Variants in PRLR observed in about 807,000 individuals in gnomAD.
PRLR encodes the protein hPRL receptor.
A neutral mutation model predicts 40.2 loss-of-function variants in PRLR; 13 were observed. That is an observed-to-expected ratio of 0.32 (90% CI 0.21 to 0.51). PRLR has a LOEUF of 0.51. Among genes scored for constraint, PRLR ranks in the 20% least tolerant of loss-of-function variants. The probability of loss-of-function intolerance (pLI) is 0.97; values close to 1 mark genes in which losing one functional copy is unlikely to be tolerated. For synonymous variants in PRLR, 269 were observed against 278.7 expected, an observed-to-expected ratio of 0.97 and a Z score of 0.35; for missense variants, 656 against 747.3, an observed-to-expected ratio of 0.88 and a Z score of 1.42.
At chr5:35,118,157 T>C (rs892947943) in intron 1 of PRLR, 35 bp from the exon 2 acceptor site, 29 of 962,114 alleles carry the variant, frequency 3.0e-5, no homozygotes, top group Non-Finnish European at 3.6e-5. Flanking sequence ...AGCTCCAAGA[T>C]GACAAAACGG....
At chr5:35,153,784 T>TTA (rs562678218) in intron 1 of PRLR, among the ~76,000 whole-genome samples, 3 of 142,864 alleles carry the variant, frequency 2.1e-5, no homozygotes, top group Non-Finnish European at 4.6e-5. Context: ...CACCCCATTG[T>TTA]TATTTCTGCA....
intron 1 of PRLR, among the ~76,000 whole-genome samples, chr5:35,172,467 G>T (rs1013754992): frequency 6.6e-6 from 1 of 152,194 alleles, no homozygotes; most frequent in African/African-American, 2.4e-5. Flanking sequence ...CTTCCCTCCA[G>T]ATGGCCCTTT....
intron 1 of PRLR, among the ~76,000 whole-genome samples, chr5:35,125,656 TTTTAA>T (rs1236777351): frequency 6.6e-6 from 1 of 152,236 alleles, no homozygotes. Flanking sequence ...GAACACACTC[TTTTAA>T]TTAAAGTGGA....
intron 1 of PRLR, among the ~76,000 whole-genome samples, chr5:35,164,574 G>A (rs1774766976): frequency 6.6e-6 from 1 of 152,148 alleles, no homozygotes; most frequent in Non-Finnish European, 1.5e-5. Flanking sequence ...AATGGAGTCT[G>A]GTATAAGACT....
intron 1 of PRLR, among the ~76,000 whole-genome samples, chr5:35,201,957 A>T (rs1428058153): frequency 6.6e-6 from 1 of 152,178 alleles, no homozygotes; most frequent in Non-Finnish European, 1.5e-5. Flanking sequence ...CACCAATACC[A>T]ACGTAAGTAG....
intron 2 of PRLR, among the ~76,000 whole-genome samples, chr5:35,090,287 A>C (rs1411437522): frequency 6.6e-6 from 1 of 152,172 alleles, no homozygotes; most frequent in Non-Finnish European, 1.5e-5. Context: ...AAGGTAATAA[A>C]TTCTGGTAAT....
chr5:35,152,519 A>T (rs888276084), intron 1 of PRLR, among the ~76,000 whole-genome samples: 2 of 152,198 alleles, frequency 1.3e-5, no homozygotes, highest in Non-Finnish European at 2.9e-5. Flanking sequence ...TACTGTACAC[A>T]ACAGTAATAG....
At chr5:35,230,116 T>C (rs1037096364) in intron 1 of PRLR, among the ~76,000 whole-genome samples, 152 bp downstream of exon 1, 6 of 152,110 alleles carry the variant, frequency 3.9e-5, no homozygotes, top group African/African-American at 1.4e-4. Context: ...CGACTCTGGC[T>C]CCTGGCTGGC....
At position 35,064,218 on chromosome 5, in the gene PRLR, A is replaced by G. The variant is rs1298495301; in HGVS notation, c.*871T>C. ...TAAACTTATGGGTTTATATTAAAGT[A>G]GAATTTGTATGTACAGTAAGGCAGT... On this transcript the variant is annotated 3_prime_UTR_variant, in exon 10 of 10. Transcript: ENST00000618457. 6.6e-6 allele frequency: 1 copy of G among 152,242 alleles called. No individual in the cohort carries two copies. The highest frequency in any genetic ancestry group is 1.5e-5 in the Non-Finnish European group (1 of 68,040). The allele number at this position is 152,242 out of a possible 1,614,324, so 9.4% of individuals were successfully genotyped here. A position where few individuals can be genotyped will look rare whatever the true frequency, so the allele number is the denominator to read the frequency against.
intron 1 of PRLR, among the ~76,000 whole-genome samples, chr5:35,211,097 G>A (rs963278017): frequency 4.6e-5 from 7 of 152,248 alleles, no homozygotes; most frequent in South Asian, 2.1e-4. Context: ...CCAACACACC[G>A]GAAAGCTTAA....
At chr5:35,079,157 A>T (rs192405074) in intron 5 of PRLR, among the ~76,000 whole-genome samples, 2 of 152,352 alleles carry the variant, frequency 1.3e-5, no homozygotes, top group African/African-American at 4.8e-5. Flanking sequence ...CAAGACAGGG[A>T]TGCCATCTCT....
intron 1 of PRLR, chr5:35,130,318 T>C (rs1773625710): frequency 6.6e-6 from 1 of 152,120 alleles, no homozygotes. Flanking sequence ...AAGGCAGCTG[T>C]GGTTTCAGCA....
At chr5:35,055,044 G>C (rs1380868373), downstream of PRLR, among the ~76,000 whole-genome samples, 1 of 152,138 alleles carries the variant, frequency 6.6e-6, no homozygotes, top group African/African-American at 2.4e-5. Flanking sequence ...GGGTAAATGA[G>C]CCTTTGTTAT....
At chr5:35,128,572 T>C (rs771132870) in intron 1 of PRLR, among the ~76,000 whole-genome samples, 6 of 152,082 alleles carry the variant, frequency 3.9e-5, no homozygotes, top group Non-Finnish European at 8.8e-5. Context: ...GATGTAAAAC[T>C]TGCGAATACA....
At position 35,061,285 on chromosome 5, in the gene PRLR, A is replaced by C. The variant is rs542177318; in HGVS notation, c.*3804T>G. ...TCTAAGGAGATAGGGAAGTTGCTAAAGGCAGGGCCAAGTCTTTCTGCAAAT... is the reference window on the plus strand; with the variant it reads ...TCTAAGGAGATAGGGAAGTTGCTAACGGCAGGGCCAAGTCTTTCTGCAAAT... On this transcript the variant is annotated 3_prime_UTR_variant, in exon 10 of 10. Transcript: ENST00000618457. 6.6e-6 allele frequency: 1 copy of C among 152,308 alleles called. No homozygotes were observed. The highest frequency in any genetic ancestry group is 2.1e-4 in the South Asian group (1 of 4,828). The allele number at this position is 152,308 out of a possible 1,614,324, so 9.4% of individuals were successfully genotyped here. A position where few individuals can be genotyped will look rare whatever the true frequency, so the allele number is the denominator to read the frequency against.
intron 2 of PRLR, among the ~76,000 whole-genome samples, chr5:35,115,932 C>G (rs181170562): frequency 6.6e-6 from 1 of 152,074 alleles, no homozygotes. Flanking sequence ...AGGGTCCCCC[C>G]CTCTGAATTC....
At chr5:35,154,637 G>A (rs141063108) in intron 1 of PRLR, among the ~76,000 whole-genome samples, 37 of 152,176 alleles carry the variant, frequency 2.4e-4, no homozygotes, top group East Asian at 5.8e-4. Flanking sequence ...TTCCCTTACC[G>A]AGTATATACC....
At position 35,062,846 on chromosome 5, in the gene PRLR, T is replaced by A. The variant is rs1561255441; in HGVS notation, c.*2243A>T. On this transcript the variant is annotated 3_prime_UTR_variant, in exon 10 of 10. Coordinates refer to ENST00000618457, the MANE Select transcript of PRLR (RefSeq NM_000949.7). ...ATAAGATTCAGCATAATGTGAATCT[T>A]AAACTACTGATATGTTTCTTTTTTT... 1 of 152,250 alleles carries A rather than the reference T, an allele frequency of 6.6e-6. No homozygotes were observed. Among genetic ancestry groups the A allele is most frequent in the African/African-American group, 2.4e-5 (1 of 41,468 alleles). 9.4% of individuals were successfully genotyped at this position (152,250 alleles called of 1,614,324 possible).
intron 6 of PRLR, among the ~76,000 whole-genome samples, chr5:35,070,641 C>T (rs1412328294): frequency 1.3e-5 from 2 of 151,684 alleles, no homozygotes; most frequent in South Asian, 2.1e-4. Flanking sequence ...GTTGGGAGTT[C>T]GAGATCAGCC....
Sources: allele counts gnomAD v4.1 joint callset (sites outside exome capture counted in the v4.1 genomes callset), GRCh38; gene constraint gnomAD v4.1.1; transcripts MANE v1.5; gene names NCBI Gene and HGNC (gene_info 2026-07-23, HGNC 2026-07-21).